Variants in GPBP1 observed in about 807,000 individuals in gnomAD.
GPBP1 encodes GC-rich promoter binding protein 1, also known as vasculin.
In GPBP1, 13 loss-of-function variants were observed where a neutral mutation model predicts 56.5. That is an observed-to-expected ratio of 0.23 (90% CI 0.15 to 0.37). The LOEUF (loss-of-function observed/expected upper bound fraction) is 0.37, where lower values mean the gene tolerates loss of function less well. Ranked by LOEUF, GPBP1 falls within the 10% of genes least tolerant of loss-of-function variation. GPBP1 has a pLI of 1.00. For synonymous variants in GPBP1, 204 were observed against 188.9 expected (o/e 1.08, Z -0.66); for missense variants, 477 against 572.3 (o/e 0.83, Z 1.70).
chr5:57,220,962 T>C (rs1419445117), intron 3 of GPBP1, among the ~76,000 whole-genome samples: 1 of 152,248 alleles, frequency 6.6e-6, no homozygotes, highest in East Asian at 1.9e-4. Context: ...TTTCTCTTTT[T>C]AATATTGTTC....
chr5:57,251,519 A>G (rs980696723), intron 10 of GPBP1, among the ~76,000 whole-genome samples: 3 of 150,156 alleles, frequency 2.0e-5, no homozygotes, highest in African/African-American at 7.3e-5. Context: ...ATAGTACACT[A>G]TATGACTATA....
At position 57,235,983 on chromosome 5, in the gene GPBP1, G is replaced by GTAT; in HGVS notation, c.430_432dup (p.Tyr144dup). 6.2e-7 allele frequency: 1 copy of GTAT among 1,610,878 alleles called. No homozygotes were observed. Among genetic ancestry groups the GTAT allele is most frequent in the Non-Finnish European group, 8.5e-7 (1 of 1,177,424 alleles). ...TCTTCCAGCCGTCTTTAAATCCTGA[G>GTAT]TATGAGAGAGAACCAAATCACAATA... On this transcript the variant is annotated inframe_insertion, in exon 6 of 12. Coordinates refer to ENST00000506184, the MANE Select transcript of GPBP1 (RefSeq NM_022913.4).
intron 5 of GPBP1, among the ~76,000 whole-genome samples, chr5:57,234,062 G>A (rs940253686): frequency 1.3e-5 from 2 of 152,068 alleles, no homozygotes; most frequent in African/African-American, 4.8e-5. Context: ...TGTAACCACC[G>A]CCAAAATCTT....
At chr5:57,200,196 T>G (rs1428750109) in intron 2 of GPBP1, among the ~76,000 whole-genome samples, 2 of 149,760 alleles carry the variant, frequency 1.3e-5, no homozygotes, top group East Asian at 3.9e-4. Context: ...TTCTTTCGTT[T>G]TAGAATTATG....
intron 3 of GPBP1, among the ~76,000 whole-genome samples, chr5:57,223,059 T>C (rs1273904277): frequency 6.6e-6 from 1 of 152,174 alleles, no homozygotes; most frequent in Non-Finnish European, 1.5e-5. Context: ...TTTTTTCATA[T>C]GGCGCCCCAG....
chr5:57,214,120 A>T lies in GPBP1; in HGVS notation c.-11A>T. The T allele has an allele frequency of 6.2e-7, 1 of 1,612,748 alleles. No homozygotes were observed. The highest frequency in any genetic ancestry group is 8.5e-7 in the Non-Finnish European group (1 of 1,178,810). Reference sequence around the variant, plus strand: ...AGCCTTGTTTCACTGAGTTGGAGAGACTGGACCTAAATGGCGCAGCATGAC... The same window carrying T: ...AGCCTTGTTTCACTGAGTTGGAGAGTCTGGACCTAAATGGCGCAGCATGAC... On this transcript the variant is annotated 5_prime_UTR_variant, in exon 3 of 12. Transcript: ENST00000506184.
At chr5:57,221,663 A>G (rs557662477) in intron 3 of GPBP1, among the ~76,000 whole-genome samples, 13 of 152,354 alleles carry the variant, frequency 8.5e-5, no homozygotes, top group South Asian at 4.1e-4. Context: ...TTTGTATTCA[A>G]TAATCTGTAG....
rs117453014 is a variant in GPBP1, at chr5:57,217,562, A to C, written c.63+3369A>C. 8.9e-4 allele frequency among the ~76,000 whole-genome samples: 136 copies of C among 152,124 alleles called. 2 individuals carry two copies. The East Asian group carries it at 0.021, about 23-fold the overall frequency. ...CTCCAGCCTGGGCAAGAAGAGTGAA[A>C]TACTGTCTCAAAACAAACAAACAAA... On this transcript the variant is annotated intron_variant, in intron 3 of 11. Coordinates refer to ENST00000506184, the MANE Select transcript of GPBP1 (RefSeq NM_022913.4).
intron 6 of GPBP1, among the ~76,000 whole-genome samples, chr5:57,244,858 C>T (rs557947111): frequency 6.6e-6 from 1 of 151,732 alleles, no homozygotes; most frequent in South Asian, 2.1e-4. Context: ...CTCAGCCTCC[C>T]GAGTAGCTGG....
chr5:57,191,558 GT>G (rs60401326), intron 2 of GPBP1, among the ~76,000 whole-genome samples: 103,654 of 144,952 alleles, frequency 0.72, 37,131 homozygotes, highest in Middle Eastern at 0.77. Context: ...TTATCTTTAG[GT>G]TTTTTTTTTT....
intron 6 of GPBP1, among the ~76,000 whole-genome samples, chr5:57,238,193 T>C (rs1240480740): frequency 6.6e-6 from 1 of 152,200 alleles, no homozygotes; most frequent in Non-Finnish European, 1.5e-5. Flanking sequence ...TGTAATTGTT[T>C]GATTGATTTC....
At chr5:57,247,341 A>G (rs1741141603) in intron 8 of GPBP1, 126 bp downstream of exon 8, 10 of 782,866 alleles carry the variant, frequency 1.3e-5, no homozygotes, top group Non-Finnish European at 1.9e-5. Flanking sequence ...AGAAAACTGG[A>G]TTCATTTACT....
rs1322505492 is a variant in GPBP1 at position 57,264,591 on chromosome 5, T to G, written c.*1839T>G. 1.3e-5 allele frequency: 2 copies of G among 152,206 alleles called. No individual in the cohort carries two copies. Among genetic ancestry groups the G allele is most frequent in the African/African-American group, 4.8e-5 (2 of 41,458 alleles). The allele number at this position is 152,206 out of a possible 1,614,324, so 9.4% of individuals were successfully genotyped here. A position where few individuals can be genotyped will look rare whatever the true frequency, so the allele number is the denominator to read the frequency against. ...TGCCTTAATTCCCATTTACCAGCAG[T>G]TAACTCATGTTTATTGTGCTTTCAT... On this transcript the variant is annotated 3_prime_UTR_variant, in exon 12 of 12. Coordinates refer to ENST00000506184, the MANE Select transcript of GPBP1 (RefSeq NM_022913.4).
At chr5:57,224,443 A>G (rs1259105609) in intron 3 of GPBP1, among the ~76,000 whole-genome samples, 2 of 151,694 alleles carry the variant, frequency 1.3e-5, no homozygotes, top group Non-Finnish European at 2.9e-5. Flanking sequence ...GGGTTTCACC[A>G]TATTGTTCAG....
At chr5:57,181,375 G>A (rs763240614) in intron 2 of GPBP1, among the ~76,000 whole-genome samples, 4 of 151,496 alleles carry the variant, frequency 2.6e-5, no homozygotes, top group Non-Finnish European at 5.9e-5. Context: ...CGGATGCCTC[G>A]GTATTTTTGG....
In GPBP1 at chr5:57,243,854, G is replaced by T. The variant is rs1038158444; in HGVS notation, c.479-2446G>T. Among the ~76,000 whole-genome samples the T allele has an allele frequency of 2.6e-5, 4 of 151,346 alleles. No individual in the cohort carries two copies. In the Admixed American group the frequency reaches 2.6e-4, roughly 10 times the overall value. ...TGCACATCACTGTGTCTGGCTAATT[G>T]AAAAAATTTTTTTTTGTAGAGACAA... is the stretch of plus-strand genomic sequence containing the variant. On this transcript the variant is annotated intron_variant, in intron 6 of 11. Coordinates refer to ENST00000506184, the MANE Select transcript of GPBP1 (RefSeq NM_022913.4).
In GPBP1 at chr5:57,251,371, G is replaced by A. The variant is rs927684848; in HGVS notation, c.1160+230G>A. ...CAGCTACTATTCTTTCTATAGATTT[G>A]CCTTGTGTATGTATCTTATATAAGT... On this transcript the variant is annotated intron_variant, in intron 10 of 11. Transcript: ENST00000506184. 1.1e-3 allele frequency among the ~76,000 whole-genome samples: 170 copies of A among 152,134 alleles called. 6 individuals carry two copies. Among genetic ancestry groups the A allele is most frequent in the Non-Finnish European group, 2.5e-4 (17 of 68,004 alleles).
intron 2 of GPBP1, among the ~76,000 whole-genome samples, chr5:57,211,991 C>G (rs1211193101): frequency 6.6e-6 from 1 of 151,856 alleles, no homozygotes; most frequent in Non-Finnish European, 1.5e-5. Context: ...GGCTAGAGGG[C>G]AGTGGCGCGA....
intron 3 of GPBP1, among the ~76,000 whole-genome samples, chr5:57,227,939 C>T (rs888605054): frequency 1.3e-5 from 2 of 152,058 alleles, no homozygotes; most frequent in Admixed American, 6.6e-5. Flanking sequence ...TATTTATGAA[C>T]AGTAACTGTC....
Sources: gnomAD v4.1 joint callset for allele counts (sites outside exome capture counted in the v4.1 genomes callset) on GRCh38, gnomAD v4.1.1 for gene constraint, MANE v1.5 for transcripts, NCBI Gene and HGNC (gene_info 2026-07-23, HGNC 2026-07-21) for gene names.